ITFG1: variants seen among roughly 807,000 people sequenced by gnomAD.
ITFG1 encodes integrin alpha FG-GAP repeat containing 1.
In ITFG1, 34 loss-of-function variants were observed where a neutral mutation model predicts 81.8. That is an observed-to-expected ratio of 0.42 (90% confidence interval 0.32 to 0.55). ITFG1 has a LOEUF of 0.55. Ranked by LOEUF, ITFG1 falls within the 20% of genes least tolerant of loss-of-function variation. The pLI is 0.17. For missense variants in ITFG1, 672 were observed against 755.4 expected (o/e 0.89, Z 1.29); for synonymous variants, 285 against 270.6 (o/e 1.05, Z -0.52).
At chr16:47,377,663 G>A (rs1346070918) in intron 6 of ITFG1, among the ~76,000 whole-genome samples, 2 of 152,108 alleles carry the variant, frequency 1.3e-5, no homozygotes, top group African/African-American at 4.8e-5. Context: ...TCCTTCTAGA[G>A]TTCCTTCCTC....
At chr16:47,274,765 C>T (rs1302216431) in intron 10 of ITFG1, among the ~76,000 whole-genome samples, 1 of 152,074 alleles carries the variant, frequency 6.6e-6, no homozygotes, top group Non-Finnish European at 1.5e-5. Context: ...GTTACGTCTG[C>T]TAACAAGCTG....
intron 13 of ITFG1, among the ~76,000 whole-genome samples, chr16:47,221,184 T>A (rs1383131437): frequency 2.0e-5 from 3 of 152,106 alleles, no homozygotes; most frequent in Non-Finnish European, 4.4e-5. Context: ...AGGGTTTGTC[T>A]TTTTTTAATG....
intron 8 of ITFG1, among the ~76,000 whole-genome samples, chr16:47,350,795 C>A (rs1293150791): frequency 6.6e-6 from 1 of 152,182 alleles, no homozygotes; most frequent in Non-Finnish European, 1.5e-5. Context: ...CCCTGATGAG[C>A]ATCGATGCAA....
chr16:47,433,895 T>C (rs1969128241), intron 5 of ITFG1, among the ~76,000 whole-genome samples: 2 of 116,896 alleles, frequency 1.7e-5, no homozygotes, highest in Admixed American at 1.6e-4. Context: ...TATATATATA[T>C]ATATATATAT....
intron 14 of ITFG1, 104 bp from the exon 15 acceptor site, chr16:47,162,768 T>G (rs572818333): frequency 6.4e-4 from 623 of 978,194 alleles, no homozygotes; most frequent in Non-Finnish European, 8.5e-4. Context: ...CTGGAATGTA[T>G]CACGTTTCAA....
At chr16:47,315,778 T>TATATATATATATATATATATAC (rs1303718198) in intron 8 of ITFG1, among the ~76,000 whole-genome samples, 33 of 151,220 alleles carry the variant, frequency 2.2e-4, no homozygotes, top group African/African-American at 7.1e-4. Flanking sequence ...CATATATATA[T>TATATATATATATATATATATAC]ACACATATAT....
intron 8 of ITFG1, 57 bp from the exon 9 acceptor site, chr16:47,313,880 T>C (rs1967309164): frequency 8.3e-6 from 8 of 958,142 alleles, no homozygotes. Context: ...TGTTCTTGTA[T>C]GGTATATTAA....
At chr16:47,165,889 T>G (rs1964882554) in intron 14 of ITFG1, among the ~76,000 whole-genome samples, 1 of 152,108 alleles carries the variant, frequency 6.6e-6, no homozygotes, top group Non-Finnish European at 1.5e-5. Flanking sequence ...CACAAGCTGA[T>G]TTCATGACAC....
chr16:47,274,998 G>C (rs1279843570), intron 10 of ITFG1, among the ~76,000 whole-genome samples: 1 of 152,186 alleles, frequency 6.6e-6, no homozygotes, highest in African/African-American at 2.4e-5. Flanking sequence ...GGGAAGAAGG[G>C]GAGGGAAGGA....
intron 12 of ITFG1, among the ~76,000 whole-genome samples, chr16:47,249,999 G>C (rs777818684): frequency 6.6e-6 from 1 of 152,096 alleles, no homozygotes. Context: ...ATTCCTGCCT[G>C]GATTCTGAGT....
At chr16:47,212,606 C>G (rs1965577349) in intron 14 of ITFG1, among the ~76,000 whole-genome samples, 1 of 152,146 alleles carries the variant, frequency 6.6e-6, no homozygotes, top group Non-Finnish European at 1.5e-5. Flanking sequence ...ATTATGAACC[C>G]AATTTCCTTA....
intron 8 of ITFG1, among the ~76,000 whole-genome samples, chr16:47,337,560 A>T (rs1334291317): frequency 6.6e-6 from 1 of 152,108 alleles, no homozygotes; most frequent in East Asian, 1.9e-4. Context: ...ACAGAGTGAG[A>T]CTCTGTCTCA....
intron 6 of ITFG1, among the ~76,000 whole-genome samples, chr16:47,377,849 T>C (rs569569848): frequency 3.9e-5 from 6 of 152,204 alleles, no homozygotes; most frequent in Non-Finnish European, 7.3e-5. Context: ...CTAGGAAATA[T>C]AACATGTTCA....
chr16:47,199,884 A>AT (rs1334153621), intron 14 of ITFG1, among the ~76,000 whole-genome samples: 7 of 152,300 alleles, frequency 4.6e-5, no homozygotes, highest in African/African-American at 1.4e-4. Flanking sequence ...TTAGATTCTC[A>AT]TAAGGAGTGC....
At chr16:47,416,279 A>G (rs2151604861) in intron 6 of ITFG1, among the ~76,000 whole-genome samples, 1 of 152,294 alleles carries the variant, frequency 6.6e-6, no homozygotes, top group South Asian at 2.1e-4. Context: ...GAGATGTTAA[A>G]TAAATTGTTA....
intron 5 of ITFG1, among the ~76,000 whole-genome samples, chr16:47,445,207 C>T (rs1159519653): frequency 7.0e-6 from 1 of 141,960 alleles, no homozygotes; most frequent in Non-Finnish European, 1.5e-5. Flanking sequence ...GTGGCTCTTC[C>T]TGTAATCCCA....
At chr16:47,271,731 C>T (rs146657397) in intron 10 of ITFG1, among the ~76,000 whole-genome samples, 1,758 of 152,192 alleles carry the variant, frequency 0.012, 13 homozygotes, top group Non-Finnish European at 0.019. Flanking sequence ...TGGTGGTGGG[C>T]GCCTGTAGTC....
chr16:47,383,723 G>T (rs1479514596), intron 6 of ITFG1, among the ~76,000 whole-genome samples: 3 of 152,154 alleles, frequency 2.0e-5, no homozygotes, highest in African/African-American at 7.2e-5. Context: ...TGACCAACAT[G>T]GTGAAATCCC....
chr16:47,248,535 T>A (rs1213134415), intron 12 of ITFG1, among the ~76,000 whole-genome samples: 1 of 152,214 alleles, frequency 6.6e-6, no homozygotes. Flanking sequence ...AATTATAATT[T>A]AAAAACTCCA....
Sources: allele counts gnomAD v4.1 joint callset (sites outside exome capture counted in the v4.1 genomes callset), GRCh38; gene constraint gnomAD v4.1.1; transcripts MANE v1.5; gene names NCBI Gene and HGNC (gene_info 2026-07-23, HGNC 2026-07-21).